AGRN: variants seen among roughly 807,000 people sequenced by gnomAD.
The protein encoded by AGRN is agrin, also known as agrin proteoglycan.
Under a neutral mutation model 211.0 loss-of-function variants are expected in AGRN, and 106 were observed. That is an observed-to-expected ratio of 0.50 (90% confidence interval 0.43 to 0.59). AGRN has a LOEUF of 0.59. Among genes scored for constraint, AGRN ranks in the 20% least tolerant of loss-of-function variants. AGRN has a pLI of 0.00. For synonymous variants in AGRN, 1,525 were observed against 1,332.5 expected, an observed-to-expected ratio of 1.14 and a Z score of -3.15; for missense variants, 3,040 against 2,982.6, an observed-to-expected ratio of 1.02 and a Z score of -0.45.
At chr1:1,033,454 C>A (rs959734583) in intron 2 of AGRN, among the ~76,000 whole-genome samples, 1 of 151,604 alleles carries the variant, frequency 6.6e-6, no homozygotes, top group Non-Finnish European at 1.5e-5. Context: ...GGCGCGGACC[C>A]GCCCGGCCCA....
intron 24 of AGRN, 67 bp downstream of exon 24, chr1:1,049,126 G>GGGCCGGGGCAGCTCA: frequency 2.4e-6 from 2 of 828,286 alleles, no homozygotes; most frequent in South Asian, 4.0e-5. Flanking sequence ...GGGGGAGGGG[G>GGGCCGGGGCAGCTCA]GGCCGGGGCA....
At chr1:1,050,620 C>T in intron 29 of AGRN, 29 bp downstream of exon 29, 4 of 1,605,370 alleles carry the variant, frequency 2.5e-6, no homozygotes, top group Non-Finnish European at 3.4e-6. Flanking sequence ...CTCTGGGAGG[C>T]CTGGGGCACT....
rs150521259 is a variant in AGRN, at chr1:1,036,642, G to T, written c.511+1318G>T. ...TGGGGAATGGTGGCTGTGGGAACCC[G>T]TCCTACCCCTGGGCTCTAGCCCTGC... On this transcript the variant is annotated intron_variant, in intron 3 of 35. Coordinates refer to ENST00000379370, the MANE Select transcript of AGRN (RefSeq NM_198576.4). 1.8e-3 allele frequency among the ~76,000 whole-genome samples: 275 copies of T among 152,216 alleles called. 1 individual carries two copies. Among genetic ancestry groups the T allele is most frequent in the Non-Finnish European group, 3.2e-3 (217 of 67,986 alleles).
intron 2 of AGRN, among the ~76,000 whole-genome samples, chr1:1,029,645 GC>G (rs1644608288): frequency 3.1e-5 from 4 of 127,266 alleles, no homozygotes; most frequent in African/African-American, 8.5e-5. Context: ...GTGTGTGTGT[GC>G]AGTGCATGGT....
chr1:1,040,669 C>T lies in AGRN; in HGVS notation c.516C>T (p.Cys172=). ...TPVPPTPPDA[C]RGMLCGFGAV... ...TTTCTCCCCTACCCGCCCCAGCGTGCCGGGGAATGCTGTGCGGCTTCGGCG... is the reference window on the plus strand; with the variant it reads ...TTTCTCCCCTACCCGCCCCAGCGTGTCGGGGAATGCTGTGCGGCTTCGGCG... Residue 172 remains cysteine (C), a synonymous_variant, in exon 4 of 36, where the codon TGC becomes TGT. Coordinates refer to ENST00000379370, the MANE Select transcript of AGRN (RefSeq NM_198576.4). 1.3e-6 allele frequency: 2 copies of T among 1,547,340 alleles called. No individual in the cohort carries two copies. The highest frequency in any genetic ancestry group is 8.7e-7 in the Non-Finnish European group (1 of 1,146,338).
At chr1:1,020,516 G>A (rs1429158802) in intron 1 of AGRN, 143 bp downstream of exon 1, 6 of 759,242 alleles carry the variant, frequency 7.9e-6, no homozygotes, top group Non-Finnish European at 1.1e-5. Flanking sequence ...CGGGAGGGGG[G>A]GTCGCCGGGT....
At chr1:1,030,903 A>G (rs1316370827) in intron 2 of AGRN, among the ~76,000 whole-genome samples, 1 of 70,714 alleles carries the variant, frequency 1.4e-5, no homozygotes. Flanking sequence ...GTGTGTGTGC[A>G]GTGCATGGTG....
chr1:1,036,684 C>T (rs1215968910), intron 3 of AGRN, among the ~76,000 whole-genome samples: 3 of 152,102 alleles, frequency 2.0e-5, no homozygotes, highest in East Asian at 1.9e-4. Flanking sequence ...TCTGTTGGCC[C>T]CCAGCCCCTG....
rs369850742 is a variant in AGRN, at chr1:1,051,292, G to C, written c.5293G>C (p.Val1765Leu). The C allele has an allele frequency of 1.9e-6, 3 of 1,575,790 alleles. No homozygotes were observed. The highest frequency in any genetic ancestry group is 2.3e-5 in the South Asian group (2 of 85,898). Reference sequence around the variant, plus strand: ...CCTCAACCTGAAGGAGCCGCTCTACGTAGGGGGCGCTCCCGACTTCAGCAA... The same window carrying C: ...CCTCAACCTGAAGGAGCCGCTCTACCTAGGGGGCGCTCCCGACTTCAGCAA... ...TVLNLKEPLY[V>L]GGAPDFSKLA... The change falls in exon 31 of 36, where the codon GTA becomes CTA. Residue 1765 changes from valine to leucine, a missense_variant. Transcript: ENST00000379370.
At position 1,044,098 on chromosome 1, in the gene AGRN, C is replaced by G; in HGVS notation, c.2000-11C>G. ...GAAGCCCCTGGGTGACTCTGCTCCC[C>G]TTCCCCGCAGCCGAGTGCGGTTCCG... On this transcript the variant is annotated splice_polypyrimidine_tract_variant and intron_variant, in intron 10 of 35. Transcript: ENST00000379370. 6.2e-7 allele frequency: 1 copy of G among 1,613,200 alleles called. No individual in the cohort carries two copies. The highest frequency in any genetic ancestry group is 2.2e-5 in the East Asian group (1 of 44,880).
At chr1:1,051,907 G>C in intron 33 of AGRN, 92 bp downstream of exon 33, 13 of 1,555,018 alleles carry the variant, frequency 8.4e-6, no homozygotes, top group African/African-American at 1.4e-5. Flanking sequence ...AGGAGGGGAC[G>C]GCCCGGTGCT....
chr1:1,048,792 A>T lies in AGRN; in HGVS notation c.4106-75A>T, dbSNP rs1353030884. 4 of 201,600 alleles carry T rather than the reference A, an allele frequency of 2.0e-5. No individual in the cohort carries two copies. Among genetic ancestry groups the T allele is most frequent in the Non-Finnish European group, 3.0e-5 (4 of 135,088 alleles). 12.5% of individuals were successfully genotyped at this position (201,600 alleles called of 1,614,324 possible). A position where few individuals can be genotyped will look rare whatever the true frequency, so the allele number is the denominator to read the frequency against. ...CAAAAAAAAAAAAAAAAAAAAAAGC[A>T]GGGGGCGGTTTCAGGGATAAAAGTG... On this transcript the variant is annotated intron_variant, in intron 23 of 35. Transcript: ENST00000379370. The surrounding 1 kb of genome is among the most constrained non-coding windows in gnomAD (Gnocchi z 5.9).
At position 1,049,409 on chromosome 1, in the gene AGRN, C is replaced by T; in HGVS notation, c.4472C>T (p.Thr1491Ile). The change falls in exon 25 of 36, where the codon ACA becomes ATA. Residue 1491 changes from threonine to isoleucine, a missense_variant. This residue lies in a region of AGRN where 1,537 missense variants were observed against 1,505.0 expected (regional missense o/e 1.02). Transcript: ENST00000379370. ...GGCACCGACGGCCTCAACCTGGACA[C>T]AGACCTCTTTGTGGGCGGCGTACCC... ...PSGTDGLNLDTDLFVGGVPED... is the reference protein window; with the variant it reads ...PSGTDGLNLDIDLFVGGVPED... The T allele has an allele frequency of 6.3e-7, 1 of 1,599,200 alleles. No homozygotes were observed. Among genetic ancestry groups the T allele is most frequent in the Non-Finnish European group, 8.5e-7 (1 of 1,179,756 alleles).
In AGRN at chr1:1,022,361, C is replaced by A. The variant is rs533320704; in HGVS notation, c.362C>A (p.Pro121His). 4.2e-5 allele frequency: 67 copies of A among 1,613,240 alleles called. 2 individuals are homozygous for A. In the South Asian group the frequency reaches 6.7e-4, roughly 16 times the overall value. ...DTRIFFVNPAPPYLWPAHKNE... is the reference protein window; with the variant it reads ...DTRIFFVNPAHPYLWPAHKNE... ...AGGATCTTCTTTGTGAACCCTGCAC[C>A]CCCATACCTGTGGCCAGCCCACAAG... The change falls in exon 2 of 36, where the codon CCC (proline) becomes CAC (histidine). Residue 121 changes from proline to histidine, a missense_variant. Around this residue, in one of 3 missense-constraint regions of AGRN, gnomAD observed 1,498 missense variants for 1,457.8 expected, o/e 1.03. Coordinates refer to ENST00000379370, the MANE Select transcript of AGRN (RefSeq NM_198576.4).
chr1:1,029,918 A>C (rs1246109283), intron 2 of AGRN, among the ~76,000 whole-genome samples: 5 of 59,956 alleles, frequency 8.3e-5, no homozygotes, highest in African/African-American at 2.8e-4. Context: ...TGTGCAGTGC[A>C]TGGTGCTGTG....
intron 2 of AGRN, among the ~76,000 whole-genome samples, chr1:1,033,779 A>AGCCCC (rs1644731073): frequency 1.7e-5 from 1 of 58,536 alleles, no homozygotes. Context: ...GTCCCGGCCC[A>AGCCCC]GCCCCAGCCC....
rs776411371 is a variant in AGRN, at chr1:1,048,119, C to T, written c.3859C>T (p.Arg1287Trp). 20 of 1,568,710 alleles carry T rather than the reference C, an allele frequency of 1.3e-5. No individual in the cohort carries two copies. Among genetic ancestry groups the T allele is most frequent in the Admixed American group, 8.9e-5 (5 of 56,346 alleles). The change falls in exon 23 of 36, where the codon CGG becomes TGG. Residue 1287 changes from arginine (R) to tryptophan (W), a missense_variant. Arg to Trp is a moderately radical substitution (Grantham distance 101). Transcript: ENST00000379370. This position sits in a 1 kb window ranked among gnomAD's most constrained non-coding sequence, Gnocchi z 5.9. ...SRLPSSAVTPRAPHPSHTSQP... is the reference protein window; with the variant it reads ...SRLPSSAVTPWAPHPSHTSQP... ...CCTGCCGTCCTCTGCTGTGACCCCT[C>T]GGGCCCCGCACCCCAGTCACACAAG...
intron 2 of AGRN, among the ~76,000 whole-genome samples, chr1:1,033,713 C>T (rs1425816519): frequency 7.3e-6 from 1 of 136,170 alleles, no homozygotes; most frequent in African/African-American, 2.8e-5. Flanking sequence ...GTCCCACCCC[C>T]AGTCCCAACA....
intron 2 of AGRN, among the ~76,000 whole-genome samples, chr1:1,026,451 A>T (rs1040732479): frequency 1.3e-5 from 2 of 152,180 alleles, no homozygotes; most frequent in East Asian, 3.9e-4. Flanking sequence ...AGGTCCGGCC[A>T]GAGGTCATTC....
Sources: gnomAD v4.1 joint callset for allele counts (sites outside exome capture counted in the v4.1 genomes callset) on GRCh38, gnomAD v4.1.1 for gene constraint, gnomAD v4.1.1 regional missense constraint, Gnocchi (gnomAD v3.1) non-coding constraint, MANE v1.5 for transcripts, NCBI Gene and HGNC (gene_info 2026-07-23, HGNC 2026-07-21) for gene names.